Variants in ZP1 observed in about 807,000 individuals in gnomAD.
ZP1 encodes the protein zona pellucida glycoprotein 1.
In ZP1, 58 loss-of-function variants were observed where a neutral mutation model predicts 67.4. The observed-to-expected ratio is 0.86, with a 90% CI of 0.70 to 1.07. The LOEUF (loss-of-function observed/expected upper bound fraction) is 1.07, where lower values mean the gene tolerates loss of function less well. ZP1 is among the 50% of genes least tolerant of loss of function. The probability of loss-of-function intolerance (pLI) is 0.00; values close to 1 mark genes in which losing one functional copy is unlikely to be tolerated. For missense variants in ZP1, 759 were observed against 807.3 expected, an observed-to-expected ratio of 0.94 and a Z score of 0.72; for synonymous variants, 333 against 332.7, an observed-to-expected ratio of 1.00 and a Z score of -0.01.
Position 60,869,225 on chromosome 11 carries a change from G to A in ZP1, c.277G>A (p.Val93Ile), listed in dbSNP as rs145067883. The A allele has an allele frequency of 6.0e-3, 9,761 of 1,614,206 alleles. 44 individuals are homozygous for A. The highest frequency in any genetic ancestry group is 6.4e-3 in the Non-Finnish European group (7,579 of 1,180,042). Residue 93 changes from valine to isoleucine, a missense_variant, in exon 2 of 12, where the codon GTC becomes ATC. Physicochemically the swap from Val to Ile is conservative, Grantham distance 29. Transcript: ENST00000278853. Reference protein sequence around the residue: ...WVTSRPQEPAVFSADYRGCHV... With the variant: ...WVTSRPQEPAIFSADYRGCHV... ...CACCTCCAGGCCGCAGGAGCCTGCA[G>A]TCTTCTCGGCCGATTACAGAGGCTG...
intron 9 of ZP1, among the ~76,000 whole-genome samples, 164 bp from the exon 10 acceptor site, chr11:60,874,769 G>A (rs1286576568): frequency 1.3e-5 from 2 of 152,262 alleles, no homozygotes; most frequent in Non-Finnish European, 2.9e-5. Flanking sequence ...CACTCCCTCA[G>A]CATGGGCAGC....
rs1565105065 is a variant in ZP1, at chr11:60,874,974, G to A, written c.1614G>A (p.Gly538=). 2 of 1,614,128 alleles carry A rather than the reference G, an allele frequency of 1.2e-6. No homozygotes were observed. The highest frequency in any genetic ancestry group is 1.6e-4 in the Middle Eastern group (1 of 6,084). The part of the protein sequence containing the change: ...FCSTSACHTS[G]LETCSTACST... Reference sequence around the variant, plus strand: ...GCACCTCTGCCTGCCACACCTCAGGGCTGGAGACTTGCTCCACTGCATGTA... The same window carrying A: ...GCACCTCTGCCTGCCACACCTCAGGACTGGAGACTTGCTCCACTGCATGTA... The change falls in exon 10 of 12, where the codon GGG becomes GGA. Residue 538 remains glycine (G), a synonymous_variant. Coordinates refer to ENST00000278853, the MANE Select transcript of ZP1 (RefSeq NM_207341.4).
intron 11 of ZP1, 124 bp from the exon 12 acceptor site, chr11:60,875,390 G>T: frequency 6.6e-7 from 1 of 1,515,774 alleles, no homozygotes; most frequent in Non-Finnish European, 8.9e-7. Flanking sequence ...AGTGAAGACA[G>T]ACACAGTCCA....
chr11:60,870,798 T>G, intron 4 of ZP1, 159 bp from the exon 5 acceptor site: 1 of 821,392 alleles, frequency 1.2e-6, no homozygotes, highest in Non-Finnish European at 1.9e-6. Flanking sequence ...GATGAGAAAA[T>G]CAGTCCATAA....
At chr11:60,875,290 C>A in intron 11 of ZP1, 42 bp downstream of exon 11, 1 of 1,583,858 alleles carries the variant, frequency 6.3e-7, no homozygotes, top group South Asian at 1.1e-5. Flanking sequence ...CTTACCCACT[C>A]TCAGCCCCCA....
chr11:60,873,759 G>A lies in ZP1; in HGVS notation c.1556G>A (p.Arg519Lys). The change falls in exon 9 of 12, where the codon AGA becomes AAA. Residue 519 changes from arginine (R) to lysine (K), a missense_variant. Coordinates refer to ENST00000278853, the MANE Select transcript of ZP1 (RefSeq NM_207341.4). Reference sequence around the variant, plus strand: ...GCCCTCCTGGACTCAGGCTCCCAGAGAGCCCTCAGAGGACTGGTAAGAAGC... The same window carrying A: ...GCCCTCCTGGACTCAGGCTCCCAGAAAGCCCTCAGAGGACTGGTAAGAAGC... ...TFALLDSGSQ[R>K]ALRGLVYLFC... 1.9e-6 allele frequency: 3 copies of A among 1,613,976 alleles called. No individual in the cohort carries two copies. Among genetic ancestry groups the A allele is most frequent in the South Asian group, 2.2e-5 (2 of 91,074 alleles).
chr11:60,873,690 C>A lies in ZP1; in HGVS notation c.1487C>A (p.Thr496Lys), dbSNP rs548617342. 6.2e-7 allele frequency: 1 copy of A among 1,614,204 alleles called. No homozygotes were observed. The highest frequency in any genetic ancestry group is 1.3e-5 in the African/African-American group (1 of 75,054). ...CAAATGGTAGCCTTGGACGGGGCCACACCTTTCCAGTCGCACTACCAGCGA... is the reference window on the plus strand; with the variant it reads ...CAAATGGTAGCCTTGGACGGGGCCAAACCTTTCCAGTCGCACTACCAGCGA... ...RTQMVALDGA[T>K]PFQSHYQRFT... The change falls in exon 9 of 12, where the codon ACA becomes AAA. Residue 496 changes from threonine (T) to lysine (K), a missense_variant. Physicochemically the swap from Thr to Lys is moderately conservative, Grantham distance 78. Transcript: ENST00000278853.
At chr11:60,868,140 C>G (rs1855504372) in intron 1 of ZP1, among the ~76,000 whole-genome samples, 1 of 152,040 alleles carries the variant, frequency 6.6e-6, no homozygotes, top group Non-Finnish European at 1.5e-5. Context: ...CTCCACCACC[C>G]AGGTTCAAGC....
At chr11:60,872,614 T>C (rs1362081015) in intron 6 of ZP1, among the ~76,000 whole-genome samples, 2 of 152,180 alleles carry the variant, frequency 1.3e-5, no homozygotes, top group Non-Finnish European at 2.9e-5. Flanking sequence ...AAGACACAGG[T>C]GCATTATCTT....
chr11:60,870,915 A>T (rs1439638577), intron 4 of ZP1, 42 bp from the exon 5 acceptor site: 1 of 1,582,086 alleles, frequency 6.3e-7, no homozygotes, highest in Non-Finnish European at 8.6e-7. Context: ...TCTGTGCTGG[A>T]TGGACACCAA....
Position 60,871,334 on chromosome 11 carries a change from T to C in ZP1, c.1112+20T>C. 1 of 1,612,092 alleles carries C rather than the reference T, an allele frequency of 6.2e-7. No individual in the cohort carries two copies. The highest frequency in any genetic ancestry group is 8.5e-7 in the Non-Finnish European group (1 of 1,179,574). ...CTTCCAGTAAGGGCAGCCCTCCTCC[T>C]ACAGGCGTGGCTGTGTGCTAGGGTG... On this transcript the variant is annotated intron_variant, in intron 6 of 11. Transcript: ENST00000278853.
Position 60,867,906 on chromosome 11 carries a change from G to T in ZP1, c.196+149G>T, listed in dbSNP as rs1387065257. On this transcript the variant is annotated intron_variant, in intron 1 of 11. Coordinates refer to ENST00000278853, the MANE Select transcript of ZP1 (RefSeq NM_207341.4). ...CCCCCACCCCCTCACCACAGAAAAG[G>T]GCAAGGAGGAGAATCATCACCCAGG... 1.3e-5 allele frequency: 12 copies of T among 897,200 alleles called. No individual in the cohort carries two copies. The Admixed American group carries it at 3.5e-4, about 26-fold the overall frequency. The allele number at this position is 897,200 out of a possible 1,614,324, so 55.6% of individuals were successfully genotyped here.
At position 60,869,328 on chromosome 11, in the gene ZP1, G is replaced by A. The variant is rs911369047; in HGVS notation, c.318+62G>A. On this transcript the variant is annotated intron_variant, in intron 2 of 11. Transcript: ENST00000278853. The stretch of plus-strand genomic sequence containing the variant: ...TGTCCTAGTGTCATGTCAGGCTGAA[G>A]AGGCCCCTCATGAACCAGAAAGGAG... The A allele has an allele frequency of 1.4e-5, 22 of 1,600,438 alleles. No homozygotes were observed. The African/African-American group carries it at 2.4e-4, about 18-fold the overall frequency.
In ZP1 at chr11:60,869,629, A is replaced by G; in HGVS notation, c.411A>G (p.Lys137=). ...VAQDATLICP[K]PDPSRTLDSQ... is the part of the protein sequence containing the mutation. ...AAGACGCTACTCTGATCTGTCCCAA[A>G]CCTGACCCCTCCCGGACTCTGGACT... Residue 137 remains lysine, a synonymous_variant, in exon 3 of 12, where the codon AAA becomes AAG. Coordinates refer to ENST00000278853, the MANE Select transcript of ZP1 (RefSeq NM_207341.4). 1 of 1,613,384 alleles carries G rather than the reference A, an allele frequency of 6.2e-7. No individual in the cohort carries two copies. Among genetic ancestry groups the G allele is most frequent in the South Asian group, 1.1e-5 (1 of 91,044 alleles).
chr11:60,873,648 G>A lies in ZP1; in HGVS notation c.1445G>A (p.Gly482Asp), dbSNP rs777198428. 2 of 1,614,032 alleles carry A rather than the reference G, an allele frequency of 1.2e-6. No homozygotes were observed. Among genetic ancestry groups the A allele is most frequent in the African/African-American group, 1.3e-5 (1 of 74,916 alleles). ...PILSDGCPFK[G>D]DSYRTQMVAL... ...TCTCTTCTCAGATGCCCTTTCAAGGGCGACAGCTACAGAACCCAAATGGTA... is the reference window on the plus strand; with the variant it reads ...TCTCTTCTCAGATGCCCTTTCAAGGACGACAGCTACAGAACCCAAATGGTA... The change falls in exon 9 of 12, where the codon GGC (glycine) becomes GAC (aspartate). Residue 482 changes from glycine (G) to aspartate (D), a missense_variant. Transcript: ENST00000278853.
intron 3 of ZP1, 21 bp downstream of exon 3, chr11:60,869,921 T>C: frequency 3.3e-6 from 5 of 1,524,024 alleles, no homozygotes; most frequent in Non-Finnish European, 4.4e-6. Context: ...CATCTGAGTG[T>C]ACTTACCCTC....
rs759025727 is a variant in ZP1 at position 60,867,626 on chromosome 11, T to C, written c.65T>C (p.Leu22Pro). 8 of 1,613,646 alleles carry C rather than the reference T, an allele frequency of 5.0e-6. No individual in the cohort carries two copies. Among genetic ancestry groups the C allele is most frequent in the Middle Eastern group, 1.6e-4 (1 of 6,064 alleles). The change falls in exon 1 of 12, where the codon CTG becomes CCG. Residue 22 changes from leucine to proline, a missense_variant. Transcript: ENST00000278853. ...GCCCTGCTACTGCTGGTTGCCACCC[T>C]GGGGCTGGGTAGGTGGCTCCAGCCC... ...PVALLLLVAT[L>P]GLGRWLQPDP...
In ZP1 at chr11:60,869,543, C is replaced by T. The variant is rs747700338; in HGVS notation, c.325C>T (p.Arg109Cys). The T allele has an allele frequency of 1.6e-5, 25 of 1,602,060 alleles. No individual in the cohort carries two copies. The highest frequency in any genetic ancestry group is 4.5e-5 in the East Asian group (2 of 44,704). Residue 109 changes from arginine to cysteine, a missense_variant, in exon 3 of 12, where the codon CGT (arginine) becomes TGT (cysteine). Arg to Cys is a radical substitution (Grantham distance 180). Transcript: ENST00000278853. Reference sequence around the variant, plus strand: ...GATGGCCTCTCACCTGCAGGATGGGCGTTTCCACCTGAGGGTGTTCATGGA... The same window carrying T: ...GATGGCCTCTCACCTGCAGGATGGGTGTTTCCACCTGAGGGTGTTCATGGA... ...RGCHVLEKDG[R>C]FHLRVFMEAV...
At chr11:60,871,346 T>G in intron 6 of ZP1, 32 bp downstream of exon 6, 1 of 1,609,272 alleles carries the variant, frequency 6.2e-7, no homozygotes, top group East Asian at 2.2e-5. Flanking sequence ...CAGGCGTGGC[T>G]GTGTGCTAGG....
Sources: gnomAD v4.1 joint callset for allele counts (sites outside exome capture counted in the v4.1 genomes callset) on GRCh38, gnomAD v4.1.1 for gene constraint, MANE v1.5 for transcripts, NCBI Gene and HGNC (gene_info 2026-07-23, HGNC 2026-07-21) for gene names.